C8orf34: variants seen among roughly 807,000 people sequenced by gnomAD.
C8orf34 encodes the protein chromosome 8 open reading frame 34.
A neutral mutation model predicts 68.3 loss-of-function variants in C8orf34; 65 were observed. The ratio of observed to expected loss-of-function variants is 0.95; its 90% CI spans 0.78 to 1.17. The LOEUF is 1.17. Ranked by LOEUF, C8orf34 falls within the 50% of genes most tolerant of loss-of-function variation. The pLI, the probability that C8orf34 is intolerant of heterozygous loss-of-function variation, is 0.00. For missense variants in C8orf34, 664 were observed against 655.4 expected (o/e 1.01, Z -0.14); for synonymous variants, 244 against 241.2 (o/e 1.01, Z -0.11).
At chr8:68,735,808 A>G (rs1822106311) in intron 10 of C8orf34, among the ~76,000 whole-genome samples, 1 of 152,206 alleles carries the variant, frequency 6.6e-6, no homozygotes, top group Non-Finnish European at 1.5e-5. Flanking sequence ...TGAACATTAA[A>G]TCTTAACTAT....
chr8:68,731,253 G>C (rs1431014401), intron 10 of C8orf34, among the ~76,000 whole-genome samples: 1 of 152,078 alleles, frequency 6.6e-6, no homozygotes, highest in Admixed American at 6.6e-5. Flanking sequence ...TTACACATTT[G>C]CAGGGTTCTT....
chr8:68,390,176 C>T (rs1184726333), intron 1 of C8orf34, among the ~76,000 whole-genome samples: 1 of 152,132 alleles, frequency 6.6e-6, no homozygotes, highest in East Asian at 1.9e-4. Flanking sequence ...TGGGCATACA[C>T]TTAATTGGGG....
In C8orf34 at chr8:68,625,514, T is replaced by G. The variant is rs888800999; in HGVS notation, c.1106-14862T>G. ...TGTAAAATTCCACTTGGGGTGGCGA[T>G]GCTTTGTGGCTTGAAGTGTAAGGGA... On this transcript the variant is annotated intron_variant, in intron 7 of 13. Transcript: ENST00000518698. The G allele has an allele frequency of 8.1e-6, 5 of 619,196 alleles. No individual in the cohort carries two copies. The Admixed American group carries it at 1.0e-4, about 12-fold the overall frequency. The allele number at this position is 619,196 out of a possible 1,614,324, so 38.4% of individuals were successfully genotyped here.
At chr8:68,378,133 A>C (rs766544963) in intron 1 of C8orf34, among the ~76,000 whole-genome samples, 3 of 152,122 alleles carry the variant, frequency 2.0e-5, no homozygotes, top group African/African-American at 4.8e-5. Context: ...GACCTGACAA[A>C]ACTCACTTGG....
chr8:68,530,070 A>C (rs1261920564), intron 6 of C8orf34, among the ~76,000 whole-genome samples: 1 of 152,070 alleles, frequency 6.6e-6, no homozygotes, highest in Non-Finnish European at 1.5e-5. Flanking sequence ...GAATATTATA[A>C]AGTATAATAT....
chr8:68,551,492 C>T (rs1816069140), intron 7 of C8orf34, among the ~76,000 whole-genome samples: 1 of 152,022 alleles, frequency 6.6e-6, no homozygotes, highest in African/African-American at 2.4e-5. Context: ...ATTTCAACAT[C>T]CACACTATAT....
intron 1 of C8orf34, among the ~76,000 whole-genome samples, chr8:68,426,240 C>T (rs896038462): frequency 1.4e-4 from 21 of 151,656 alleles, no homozygotes; most frequent in Admixed American, 9.9e-4. Context: ...AAAAAATGGC[C>T]GGGTGCGTGG....
intron 1 of C8orf34, among the ~76,000 whole-genome samples, chr8:68,405,476 A>G (rs1809154371): frequency 6.6e-6 from 1 of 152,192 alleles, no homozygotes; most frequent in Admixed American, 6.6e-5. Context: ...TGGACTCCCC[A>G]CCAGAAATGG....
rs113897436 is a variant in C8orf34 at position 68,509,563 on chromosome 8, C to T, written c.766-12236C>T. ...CACTGAGGTGTGTGTTCTCATAGTA[C>T]AGAGACACAATTACCTGTTTGTGAA... On this transcript the variant is annotated intron_variant, in intron 5 of 13. Coordinates refer to ENST00000518698, the MANE Select transcript of C8orf34 (RefSeq NM_052958.4). Among the ~76,000 whole-genome samples, 353 of 151,962 alleles carry T rather than the reference C, an allele frequency of 2.3e-3. 3 individuals are homozygous for T. The highest frequency in any genetic ancestry group is 8.0e-3 in the African/African-American group (331 of 41,392).
intron 12 of C8orf34, among the ~76,000 whole-genome samples, chr8:68,812,551 C>T (rs1447982387): frequency 6.6e-6 from 1 of 152,054 alleles, no homozygotes; most frequent in Non-Finnish European, 1.5e-5. Context: ...TTTAAGGTTT[C>T]TACCACTTAT....
chr8:68,604,787 T>C (rs144109854), intron 7 of C8orf34, among the ~76,000 whole-genome samples: 229 of 152,174 alleles, frequency 1.5e-3, no homozygotes, highest in African/African-American at 5.4e-3. Flanking sequence ...CTAGATCACC[T>C]CGAGTTTGGT....
intron 7 of C8orf34, among the ~76,000 whole-genome samples, chr8:68,633,915 G>T (rs1456952913): frequency 1.3e-5 from 2 of 150,234 alleles, no homozygotes; most frequent in Admixed American, 6.6e-5. Context: ...TTTGGTTTTT[G>T]GCTGAGCCTG....
At chr8:68,788,836 C>A (rs11787474) in intron 12 of C8orf34, among the ~76,000 whole-genome samples, 1 of 150,704 alleles carries the variant, frequency 6.6e-6, no homozygotes, top group Non-Finnish European at 1.5e-5. Context: ...TCCCGCCTGG[C>A]GACAGAGCGA....
intron 11 of C8orf34, among the ~76,000 whole-genome samples, chr8:68,784,094 A>G (rs570131390): frequency 1.3e-4 from 20 of 152,072 alleles, no homozygotes; most frequent in Admixed American, 1.2e-3. Context: ...TTTCCCTGTC[A>G]TTTTCTCTTC....
At chr8:68,605,686 A>G (rs1479727463) in intron 7 of C8orf34, among the ~76,000 whole-genome samples, 1 of 152,130 alleles carries the variant, frequency 6.6e-6, no homozygotes, top group East Asian at 1.9e-4. Flanking sequence ...ACTACAAAGA[A>G]TGTGAAAGAA....
At chr8:68,434,689 G>A (rs1334675535) in intron 1 of C8orf34, among the ~76,000 whole-genome samples, 1 of 152,096 alleles carries the variant, frequency 6.6e-6, no homozygotes, top group Non-Finnish European at 1.5e-5. Flanking sequence ...TTAGTGCAGG[G>A]AGTTGTCTCA....
At chr8:68,430,151 C>CCTCCATTAAAAAGT (rs1810393151) in intron 1 of C8orf34, among the ~76,000 whole-genome samples, 1 of 152,006 alleles carries the variant, frequency 6.6e-6, no homozygotes, top group African/African-American at 2.4e-5. Flanking sequence ...TCAATCATGA[C>CCTCCATTAAAAAGT]TGTGTAATGA....
intron 3 of C8orf34, among the ~76,000 whole-genome samples, chr8:68,461,162 A>G (rs369504813): frequency 6.6e-6 from 1 of 152,226 alleles, no homozygotes; most frequent in Non-Finnish European, 1.5e-5. Flanking sequence ...CTCAGGAGCC[A>G]ATGCGATCAA....
intron 13 of C8orf34, among the ~76,000 whole-genome samples, 187 bp downstream of exon 13, chr8:68,816,132 G>GTT (rs1554617693): frequency 7.6e-6 from 1 of 132,092 alleles, no homozygotes; most frequent in East Asian, 2.3e-4. Flanking sequence ...GTGTGTGTGT[G>GTT]TTTCTCTGTG....
Sources: allele counts gnomAD v4.1 joint callset (sites outside exome capture counted in the v4.1 genomes callset), GRCh38; gene constraint gnomAD v4.1.1; transcripts MANE v1.5; gene names NCBI Gene and HGNC (gene_info 2026-07-23, HGNC 2026-07-21).